The following MAP2K4 variants were observed in gnomAD, a reference collection of about 807,000 sequenced individuals.
MAP2K4 encodes the protein dual specificity mitogen-activated protein kinase kinase 4.
Under a neutral mutation model 48.5 loss-of-function variants are expected in MAP2K4, and 4 were observed. The observed-to-expected ratio is 0.08, with a 90% CI of 0.04 to 0.19. MAP2K4 has a LOEUF of 0.19. MAP2K4 is among the 10% of genes least tolerant of loss of function. The probability of loss-of-function intolerance (pLI) is 1.00; values close to 1 mark genes in which losing one functional copy is unlikely to be tolerated. For missense variants in MAP2K4, 258 were observed against 493.3 expected (o/e 0.52, Z 4.52); for synonymous variants, 166 against 173.1 (o/e 0.96, Z 0.32).
intron 2 of MAP2K4, among the ~76,000 whole-genome samples, chr17:12,061,428 A>T (rs184926394): frequency 1.1e-4 from 16 of 152,328 alleles, no homozygotes; most frequent in African/African-American, 3.8e-4. Flanking sequence ...TGGAGAAGTG[A>T]TTCTCGACAG....
intron 2 of MAP2K4, among the ~76,000 whole-genome samples, chr17:12,060,728 G>GGTGTGTGT (rs368390462): frequency 1.3e-5 from 2 of 150,352 alleles, no homozygotes; most frequent in Middle Eastern, 3.4e-3. Context: ...AATACTATGG[G>GGTGTGTGT]GTGTGTGTGT....
At chr17:12,132,850 T>A (rs2151593317) in intron 9 of MAP2K4, among the ~76,000 whole-genome samples, 1 of 152,290 alleles carries the variant, frequency 6.6e-6, no homozygotes, top group Middle Eastern at 3.4e-3. Flanking sequence ...ACCTTAAAGC[T>A]TGAGGATAAT....
chr17:12,085,072 A>G (rs530949189), intron 3 of MAP2K4, among the ~76,000 whole-genome samples: 4 of 152,320 alleles, frequency 2.6e-5, no homozygotes, highest in East Asian at 3.9e-4. Flanking sequence ...CTGCATGCCT[A>G]GAGTACCAGC....
At chr17:12,080,433 T>C (rs1971153343) in intron 2 of MAP2K4, among the ~76,000 whole-genome samples, 1 of 152,114 alleles carries the variant, frequency 6.6e-6, no homozygotes, top group African/African-American at 2.4e-5. Context: ...GAGAAACAGA[T>C]TGATTTTACA....
chr17:12,111,000 G>A (rs1307288877), intron 6 of MAP2K4, among the ~76,000 whole-genome samples: 2 of 152,192 alleles, frequency 1.3e-5, no homozygotes, highest in Non-Finnish European at 2.9e-5. Flanking sequence ...TAGTAACCCT[G>A]TGGGAATCCT....
intron 1 of MAP2K4, among the ~76,000 whole-genome samples, chr17:12,027,391 C>T (rs1182982752): frequency 3.3e-5 from 5 of 151,990 alleles, no homozygotes; most frequent in African/African-American, 1.2e-4. Context: ...GCAGCTTTTT[C>T]GAGCTATATT....
At chr17:12,115,235 C>G (rs1356786408) in intron 7 of MAP2K4, among the ~76,000 whole-genome samples, 1 of 152,196 alleles carries the variant, frequency 6.6e-6, no homozygotes, top group Non-Finnish European at 1.5e-5. Flanking sequence ...TTTCCCAACT[C>G]CATACCCTCA....
chr17:12,053,604 GTT>G (rs1970205635), intron 1 of MAP2K4, among the ~76,000 whole-genome samples: 2 of 151,706 alleles, frequency 1.3e-5, no homozygotes, highest in South Asian at 4.2e-4. Context: ...CTTTGCACAT[GTT>G]GTTTGAATGT....
chr17:12,027,786 G>C (rs915199649), intron 1 of MAP2K4, among the ~76,000 whole-genome samples: 1 of 152,062 alleles, frequency 6.6e-6, no homozygotes, highest in African/African-American at 2.4e-5. Context: ...TGTGGCAGAG[G>C]TGTAGAGGGT....
rs919908493 is a variant in MAP2K4, at chr17:12,095,927, G to GTGTGTGTGTGTGTA, written c.513+234_513+235insGTGTGTGTGTGTAT. Among the ~76,000 whole-genome samples, 764 of 143,778 alleles carry GTGTGTGTGTGTGTA rather than the reference G, an allele frequency of 5.3e-3. 5 individuals are homozygous for GTGTGTGTGTGTGTA. The highest frequency in any genetic ancestry group is 0.017 in the African/African-American group (674 of 39,106). The allele number at this position is 143,778 out of a possible 152,430, so 94.3% of individuals were successfully genotyped here. A position where few individuals can be genotyped will look rare whatever the true frequency, so the allele number is the denominator to read the frequency against. ...TGTGTGTGTGTGTGTGTGTGTGTGT[G>GTGTGTGTGTGTGTA]TATTTTAGTATTGGTGGCTGTCATT... On this transcript the variant is annotated intron_variant, in intron 4 of 10. Transcript: ENST00000353533.
intron 1 of MAP2K4, among the ~76,000 whole-genome samples, chr17:12,039,787 TC>T (rs1331225092): frequency 6.6e-6 from 1 of 152,222 alleles, no homozygotes; most frequent in Admixed American, 6.5e-5. Context: ...CTCTTAAGTT[TC>T]TTTAAGTCTG....
Position 12,094,227 on chromosome 17 carries a change from T to C in MAP2K4, c.394-1348T>C, listed in dbSNP as rs562805112. Among the ~76,000 whole-genome samples the C allele has an allele frequency of 9.2e-5, 14 of 152,352 alleles. No homozygotes were observed. In the South Asian group the frequency reaches 1.7e-3, roughly 18 times the overall value. ...CCAGTTACTAAATTTTATTTGCTTA[T>C]GAAATACTGTAGGTAGCAAGCTGTA... On this transcript the variant is annotated intron_variant, in intron 3 of 10. Coordinates refer to ENST00000353533, the MANE Select transcript of MAP2K4 (RefSeq NM_003010.4).
intron 4 of MAP2K4, among the ~76,000 whole-genome samples, chr17:12,107,293 G>A (rs1377031130): frequency 6.6e-6 from 1 of 151,812 alleles, no homozygotes. Context: ...CTTGCGCTTT[G>A]CATCAGTTAA....
intron 1 of MAP2K4, among the ~76,000 whole-genome samples, chr17:12,025,163 TAGACTC>T (rs1969217262): frequency 1.3e-5 from 2 of 152,194 alleles, no homozygotes; most frequent in African/African-American, 2.4e-5. Flanking sequence ...GCACTGGACT[TAGACTC>T]AGAAAACCAT....
intron 1 of MAP2K4, 41 bp downstream of exon 1, chr17:12,021,042 C>A: frequency 8.7e-7 from 1 of 1,145,596 alleles, no homozygotes. Context: ...CCCCCTAGCG[C>A]GGCAACCCGC....
intron 1 of MAP2K4, among the ~76,000 whole-genome samples, chr17:12,040,635 G>A (rs1969748302): frequency 6.6e-6 from 1 of 152,120 alleles, no homozygotes; most frequent in Non-Finnish European, 1.5e-5. Context: ...TAAAATTTGT[G>A]TTCAGTGCTT....
intron 3 of MAP2K4, among the ~76,000 whole-genome samples, chr17:12,090,632 C>T (rs543269441): frequency 1.7e-4 from 26 of 152,232 alleles, no homozygotes; most frequent in African/African-American, 1.9e-4. Flanking sequence ...CATCATCATG[C>T]GCTTTCCCAC....
At chr17:12,132,911 A>G (rs1973077274) in intron 9 of MAP2K4, among the ~76,000 whole-genome samples, 1 of 152,176 alleles carries the variant, frequency 6.6e-6, no homozygotes, top group Non-Finnish European at 1.5e-5. Flanking sequence ...ATTTGTAGTA[A>G]TTTTGGTTCC....
chr17:12,040,005 G>A (rs945147797), intron 1 of MAP2K4, among the ~76,000 whole-genome samples: 27 of 152,082 alleles, frequency 1.8e-4, no homozygotes, highest in African/African-American at 6.0e-4. Context: ...CTTCATAGAC[G>A]GTGTTGTGTG....
Sources: gnomAD v4.1 joint callset for allele counts (sites outside exome capture counted in the v4.1 genomes callset) on GRCh38, gnomAD v4.1.1 for gene constraint, MANE v1.5 for transcripts, NCBI Gene and HGNC (gene_info 2026-07-23, HGNC 2026-07-21) for gene names.